Variants in CDV3 observed in about 807,000 individuals in gnomAD.
CDV3 encodes the protein CDV3 homolog, also known as protein CDV3 homolog.
CDV3 carries 14 observed loss-of-function variants against 24.5 expected under a neutral mutation model. The ratio of observed to expected loss-of-function variants is 0.57; its 90% CI spans 0.38 to 0.89. The LOEUF is 0.89. CDV3 is among the 40% of genes least tolerant of loss of function. The pLI is 0.00. For missense variants in CDV3, 304 were observed against 310.2 expected (o/e 0.98, Z 0.15); for synonymous variants, 114 against 114.1 (o/e 1.00, Z 0.00).
rs1313193544 is a variant in CDV3, at chr3:133,589,555, C to T, written c.*1509C>T. The T allele has an allele frequency of 6.6e-6, 1 of 152,614 alleles. No homozygotes were observed. The highest frequency in any genetic ancestry group is 2.4e-5 in the African/African-American group (1 of 41,438). The allele number at this position is 152,614 out of a possible 1,614,324, so 9.5% of individuals were successfully genotyped here. ...GTAATGTCATCATTTGATGCAGAGT[C>T]CGGGTTTCTCTATAATAAATCCCTT... On this transcript the variant is annotated 3_prime_UTR_variant, in exon 5 of 5. Coordinates refer to ENST00000264993, the MANE Select transcript of CDV3 (RefSeq NM_017548.5).
intron 4 of CDV3, chr3:133,587,171 A>G (rs1381783696): frequency 3.7e-6 from 5 of 1,349,074 alleles, no homozygotes; most frequent in Non-Finnish European, 4.9e-6. Context: ...GGTACTTAAA[A>G]TGAATGCTAC....
Position 133,574,218 on chromosome 3 carries a change from G to C in CDV3, c.174G>C (p.Pro58=), listed in dbSNP as rs1235663655. ...GCGGGGCGGGCGCGGGGACCCGGCC[G>C]GGTGACGGCGGGACCGCCAGCGCGG... ...AGGGAGAGTR[P]GDGGTASAGA... Residue 58 remains proline, a synonymous_variant, in exon 1 of 5, where the codon CCG becomes CCC. Coordinates refer to ENST00000264993, the MANE Select transcript of CDV3 (RefSeq NM_017548.5). 1.0e-6 allele frequency: 1 copy of C among 1,003,534 alleles called. No homozygotes were observed. Among genetic ancestry groups the C allele is most frequent in the African/African-American group, 1.8e-5 (1 of 57,098 alleles). 62.2% of individuals were successfully genotyped at this position (1,003,534 alleles called of 1,614,324 possible). A position where few individuals can be genotyped will look rare whatever the true frequency, so the allele number is the denominator to read the frequency against.
chr3:133,587,200 A>G, intron 4 of CDV3: 2 of 1,357,690 alleles, frequency 1.5e-6, no homozygotes, highest in East Asian at 2.7e-5. Flanking sequence ...AAATGACTAC[A>G]TATGGCACAT....
chr3:133,585,164 C>G (rs1337953386), intron 3 of CDV3, among the ~76,000 whole-genome samples: 1 of 151,898 alleles, frequency 6.6e-6, no homozygotes, highest in Non-Finnish European at 1.5e-5. Flanking sequence ...TCAAGTGATC[C>G]TCCCACCCCA....
rs1038923470 is a variant in CDV3, at chr3:133,588,481, T to C, written c.*435T>C. 13 of 991,884 alleles carry C rather than the reference T, an allele frequency of 1.3e-5. No homozygotes were observed. In the African/African-American group the frequency reaches 2.0e-4, roughly 15 times the overall value. 61.4% of individuals were successfully genotyped at this position (991,884 alleles called of 1,614,324 possible). A position where few individuals can be genotyped will look rare whatever the true frequency, so the allele number is the denominator to read the frequency against. ...TCGATGTGAACCTTGCAACCAGCTC[T>C]ACTGGATTCTTATCAGAAATCCTGC... On this transcript the variant is annotated 3_prime_UTR_variant, in exon 5 of 5. Transcript: ENST00000264993.
In CDV3 at chr3:133,576,841, C is replaced by CTTTTTTTTTTTTTTTTTTTTTTTTTTT. The variant is rs370619351; in HGVS notation, c.317+1749_317+1750insTTTTTTTTTTTTTTTTTTTTTTTTTTT. Among the ~76,000 whole-genome samples the CTTTTTTTTTTTTTTTTTTTTTTTTTTT allele has an allele frequency of 1.3e-4, 8 of 62,392 alleles. 3 individuals carry two copies. The highest frequency in any genetic ancestry group is 2.7e-4 in the African/African-American group (4 of 14,734). The allele number at this position is 62,392 out of a possible 152,430, so 40.9% of individuals were successfully genotyped here. ...TCTGTTCAACCTGAAGGTAGACTAG[C>CTTTTTTTTTTTTTTTTTTTTTTTTTTT]TTTTTTTTTTTTTTTTTTTTTTTGA... is the stretch of plus-strand genomic sequence containing the variant. On this transcript the variant is annotated intron_variant, in intron 2 of 4. Transcript: ENST00000264993.
chr3:133,587,980 A>G lies in CDV3; in HGVS notation c.711A>G (p.Lys237=). 1 of 1,614,180 alleles carries G rather than the reference A, an allele frequency of 6.2e-7. No homozygotes were observed. Among genetic ancestry groups the G allele is most frequent in the Non-Finnish European group, 8.5e-7 (1 of 1,180,012 alleles). The stretch of plus-strand genomic sequence containing the variant: ...AGGTTTCAAAAAACCAGGCCCTTAA[A>G]CTTCAGCTAGACAACCAATATGCTG... ...RDEVSKNQAL[K]LQLDNQYAVL... Residue 237 remains lysine (K), a synonymous_variant, in exon 5 of 5, where the codon AAA becomes AAG. Transcript: ENST00000264993.
In CDV3 at chr3:133,588,151, A is replaced by G; in HGVS notation, c.*105A>G. 2.6e-6 allele frequency: 4 copies of G among 1,556,796 alleles called. No individual in the cohort carries two copies. The highest frequency in any genetic ancestry group is 3.5e-6 in the Non-Finnish European group (4 of 1,152,994). Reference sequence around the variant, plus strand: ...GCTGGATCTACAGACACCGATGCAGACCACTCGATTTCATGACCGGCCCTA... The same window carrying G: ...GCTGGATCTACAGACACCGATGCAGGCCACTCGATTTCATGACCGGCCCTA... On this transcript the variant is annotated 3_prime_UTR_variant, in exon 5 of 5. Transcript: ENST00000264993.
At chr3:133,584,212 C>A in intron 3 of CDV3, 62 bp downstream of exon 3, 1 of 1,238,568 alleles carries the variant, frequency 8.1e-7, no homozygotes, top group Admixed American at 2.0e-5. Flanking sequence ...ATATATGGTC[C>A]ACTTTCAACT....
In CDV3 at chr3:133,588,563, C is replaced by T; in HGVS notation, c.*517C>T. 3 of 618,340 alleles carry T rather than the reference C, an allele frequency of 4.9e-6. No homozygotes were observed. Among genetic ancestry groups the T allele is most frequent in the South Asian group, 2.0e-5 (1 of 50,762 alleles). The allele number at this position is 618,340 out of a possible 1,614,324, so 38.3% of individuals were successfully genotyped here. A position where few individuals can be genotyped will look rare whatever the true frequency, so the allele number is the denominator to read the frequency against. On this transcript the variant is annotated 3_prime_UTR_variant, in exon 5 of 5. Transcript: ENST00000264993. ...CTGTAAAAGATGAAGATTTAAGTGA[C>T]CTTAATTAACCTGTCCTGTGCCCTA...
chr3:133,581,076 G>GT (rs2107716553), intron 2 of CDV3, among the ~76,000 whole-genome samples: 1 of 152,038 alleles, frequency 6.6e-6, no homozygotes, highest in Non-Finnish European at 1.5e-5. Context: ...CCAAATAGGA[G>GT]TTTTTATTTA....
At position 133,574,927 on chromosome 3, in the gene CDV3, G is replaced by A. The variant is rs1334999627; in HGVS notation, c.241-112G>A. The A allele has an allele frequency of 3.8e-6, 3 of 788,550 alleles. No individual in the cohort carries two copies. In the South Asian group the frequency reaches 5.0e-5, roughly 13 times the overall value. 48.8% of individuals were successfully genotyped at this position (788,550 alleles called of 1,614,324 possible). On this transcript the variant is annotated intron_variant, in intron 1 of 4. Transcript: ENST00000264993. ...AGCAAGGGCTTTGACCAGAAGACAAGTACATACTTAGTTTAGGTTCCAGCC... is the reference window on the plus strand; with the variant it reads ...AGCAAGGGCTTTGACCAGAAGACAAATACATACTTAGTTTAGGTTCCAGCC...
intron 1 of CDV3, 174 bp from the exon 2 acceptor site, chr3:133,574,865 G>A (rs553061504): frequency 1.4e-6 from 1 of 731,274 alleles, no homozygotes; most frequent in Non-Finnish European, 2.1e-6. Flanking sequence ...CTACGAGCAT[G>A]TTTGTCCTCC....
intron 1 of CDV3, 123 bp downstream of exon 1, chr3:133,574,407 C>CGCCACGTGACGCAGGCT: frequency 1.0e-6 from 1 of 968,024 alleles, no homozygotes; most frequent in Non-Finnish European, 1.2e-6. Context: ...GGGCGCGGGC[C>CGCCACGTGACGCAGGCT]GCCACGTGAC....
intron 3 of CDV3, among the ~76,000 whole-genome samples, chr3:133,586,098 C>CT (rs1331667174): frequency 6.6e-6 from 1 of 150,992 alleles, no homozygotes; most frequent in Non-Finnish European, 1.5e-5. Flanking sequence ...TTTCACTTTT[C>CT]TTTTTTCTTT....
chr3:133,587,562 G>C (rs1232786371), intron 4 of CDV3: 2 of 1,102,238 alleles, frequency 1.8e-6, no homozygotes, highest in Non-Finnish European at 1.1e-6. Flanking sequence ...CATAAAGAGA[G>C]AGATGTATTA....
At chr3:133,581,617 CAA>C (rs1286465039) in intron 2 of CDV3, among the ~76,000 whole-genome samples, 3 of 152,138 alleles carry the variant, frequency 2.0e-5, no homozygotes, top group African/African-American at 7.2e-5. Context: ...GTGCCATGTT[CAA>C]AGTTTCCTGG....
At position 133,588,132 on chromosome 3, in the gene CDV3, T is replaced by G. The variant is rs1933800662; in HGVS notation, c.*86T>G. On this transcript the variant is annotated 3_prime_UTR_variant, in exon 5 of 5. Coordinates refer to ENST00000264993, the MANE Select transcript of CDV3 (RefSeq NM_017548.5). ...CATTCATCATCTGATCTCTGCTGGA[T>G]CTACAGACACCGATGCAGACCACTC... 2.5e-6 allele frequency: 4 copies of G among 1,571,236 alleles called. No individual in the cohort carries two copies. The highest frequency in any genetic ancestry group is 3.4e-6 in the Non-Finnish European group (4 of 1,160,196).
intron 2 of CDV3, among the ~76,000 whole-genome samples, chr3:133,582,999 TAATC>T (rs1452450934): frequency 4.6e-5 from 7 of 152,156 alleles, no homozygotes; most frequent in African/African-American, 1.2e-4. Flanking sequence ...AAAAGAGAAA[TAATC>T]AAAGATGCCT....
Sources: allele counts gnomAD v4.1 joint callset (sites outside exome capture counted in the v4.1 genomes callset), GRCh38; gene constraint gnomAD v4.1.1; transcripts MANE v1.5; gene names NCBI Gene and HGNC (gene_info 2026-07-23, HGNC 2026-07-21).